The following VCL variants were observed in gnomAD, a reference collection of about 807,000 sequenced individuals.
VCL encodes epididymis luminal protein 114.
A neutral mutation model predicts 125.7 loss-of-function variants in VCL; 47 were observed. That is an observed-to-expected ratio of 0.37 (90% CI 0.30 to 0.48). VCL has a LOEUF of 0.48. Ranked by LOEUF, VCL falls within the 20% of genes least tolerant of loss-of-function variation. The probability of loss-of-function intolerance (pLI) is 0.99; values close to 1 mark genes in which losing one functional copy is unlikely to be tolerated. For synonymous variants in VCL, 458 were observed against 514.6 expected, an observed-to-expected ratio of 0.89 and a Z score of 1.49; for missense variants, 1,069 against 1,455.5, an observed-to-expected ratio of 0.73 and a Z score of 4.32.
chr10:74,070,344 G>A (rs1443814889), intron 2 of VCL, among the ~76,000 whole-genome samples: 1 of 152,154 alleles, frequency 6.6e-6, no homozygotes, highest in Non-Finnish European at 1.5e-5. Flanking sequence ...AAGTCAAAGA[G>A]CCCAGATGTT....
At chr10:74,104,891 G>A in intron 15 of VCL, 160 bp from the exon 16 acceptor site, 1 of 800,856 alleles carries the variant, frequency 1.2e-6, no homozygotes, top group Non-Finnish European at 2.0e-6. Flanking sequence ...TTTAACTGTG[G>A]TGTTTACCTG....
intron 13 of VCL, among the ~76,000 whole-genome samples, chr10:74,099,428 G>A (rs1205266646): frequency 6.8e-6 from 1 of 147,530 alleles, no homozygotes. Flanking sequence ...GAGAGGTTAA[G>A]TGCTTTTTCT....
chr10:74,118,130 T>C lies in VCL; in HGVS notation c.3366T>C (p.Phe1122=). The change falls in exon 22 of 22, where the codon TTT becomes TTC. Residue 1122 remains phenylalanine, a synonymous_variant. Coordinates refer to ENST00000211998, the MANE Select transcript of VCL (RefSeq NM_014000.3). ...ASIKIRTDAG[F]TLRWVRKTPW... Reference sequence around the variant, plus strand: ...TCAAAATTCGAACAGATGCTGGATTTACACTGCGCTGGGTTAGAAAGACTC... The same window carrying C: ...TCAAAATTCGAACAGATGCTGGATTCACACTGCGCTGGGTTAGAAAGACTC... The C allele has an allele frequency of 6.2e-7, 1 of 1,614,166 alleles. No individual in the cohort carries two copies. Among genetic ancestry groups the C allele is most frequent in the Non-Finnish European group, 8.5e-7 (1 of 1,180,032 alleles).
In VCL at chr10:74,096,188, T is replaced by A. The variant is rs530312926; in HGVS notation, c.1743+333T>A. ...TTTAAATGGACTTCTTTTTAAAACT[T>A]AAATTTATTTAAGAGAAAACTCTGT... On this transcript the variant is annotated intron_variant, in intron 12 of 21. Coordinates refer to ENST00000211998, the MANE Select transcript of VCL (RefSeq NM_014000.3). Among the ~76,000 whole-genome samples, 11 of 151,002 alleles carry A rather than the reference T, an allele frequency of 7.3e-5. No individual in the cohort carries two copies. The South Asian group carries it at 2.3e-3, about 32-fold the overall frequency.
intron 8 of VCL, 43 bp downstream of exon 8, chr10:74,083,556 A>C (rs1355339861): frequency 1.2e-6 from 2 of 1,608,936 alleles, no homozygotes; most frequent in South Asian, 1.1e-5. Context: ...TGGGTAACTC[A>C]CTCCTAACAG....
chr10:74,010,948 T>A (rs1293879468), intron 1 of VCL, among the ~76,000 whole-genome samples: 6 of 152,008 alleles, frequency 3.9e-5, no homozygotes, highest in Non-Finnish European at 8.8e-5. Flanking sequence ...GGCAGGTGGA[T>A]CACCTGAGGT....
At chr10:74,034,515 T>C (rs1229299741) in intron 1 of VCL, among the ~76,000 whole-genome samples, 2 of 152,366 alleles carry the variant, frequency 1.3e-5, no homozygotes, top group Non-Finnish European at 2.9e-5. Context: ...AGAAACTTGG[T>C]TGTAACTCTA....
chr10:74,009,916 C>CT (rs943845072), intron 1 of VCL, among the ~76,000 whole-genome samples: 8 of 150,830 alleles, frequency 5.3e-5, no homozygotes, highest in African/African-American at 1.5e-4. Flanking sequence ...CCACCTTTTT[C>CT]TTTTTTTTAT....
intron 1 of VCL, among the ~76,000 whole-genome samples, chr10:74,037,504 A>G (rs1841004230): frequency 1.3e-5 from 2 of 152,222 alleles, no homozygotes; most frequent in African/African-American, 4.8e-5. Flanking sequence ...ACAGAGGATG[A>G]CAATCTTTGA....
chr10:74,064,201 C>G (rs12412566), intron 2 of VCL, among the ~76,000 whole-genome samples: 3,117 of 152,208 alleles, frequency 0.02, 40 homozygotes, highest in South Asian at 0.033. Flanking sequence ...AAGGATACAA[C>G]CCAGGAACAG....
chr10:73,999,234 T>C (rs1840178765), intron 1 of VCL, among the ~76,000 whole-genome samples: 2 of 152,130 alleles, frequency 1.3e-5, no homozygotes, highest in Admixed American at 6.5e-5. Context: ...GATGGAGCTG[T>C]TGGGAGAGGC....
chr10:74,100,652 A>G (rs1840037370), intron 13 of VCL, among the ~76,000 whole-genome samples: 1 of 152,196 alleles, frequency 6.6e-6, no homozygotes, highest in Non-Finnish European at 1.5e-5. Flanking sequence ...ACTGCAGAGT[A>G]TATAATGCTC....
intron 6 of VCL, chr10:74,076,676 C>G (rs1178600666): frequency 1.3e-5 from 2 of 152,570 alleles, no homozygotes; most frequent in Non-Finnish European, 2.9e-5. Context: ...CCTTCAAAAT[C>G]CAAAGGAAAA....
At position 74,089,181 on chromosome 10, in the gene VCL, G is replaced by A. The variant is rs753458587; in HGVS notation, c.1023-15G>A. The A allele has an allele frequency of 2.0e-5, 33 of 1,613,824 alleles. No homozygotes were observed. Among genetic ancestry groups the A allele is most frequent in the Middle Eastern group, 3.3e-4 (2 of 6,084 alleles). On this transcript the variant is annotated splice_polypyrimidine_tract_variant and intron_variant, in intron 8 of 21. Transcript: ENST00000211998. ...TTGAGGGTGTACAATGACAGCATGT[G>A]TCTGTTTTGAGCAGAGGACAAGGAT...
chr10:74,021,709 G>A lies in VCL; in HGVS notation c.169-21374G>A, dbSNP rs1334651934. On this transcript the variant is annotated intron_variant, in intron 1 of 21. Coordinates refer to ENST00000211998, the MANE Select transcript of VCL (RefSeq NM_014000.3). ...AAAAGGCAAATTCCTCAGTTAGTCT[G>A]CTGAAGTTATATACTATAATGATAG... Among the ~76,000 whole-genome samples, 5 of 152,164 alleles carry A rather than the reference G, an allele frequency of 3.3e-5. No individual in the cohort carries two copies. The East Asian group carries it at 9.6e-4, about 29-fold the overall frequency.
intron 13 of VCL, among the ~76,000 whole-genome samples, chr10:74,098,167 A>G (rs1226271831): frequency 1.3e-5 from 2 of 152,018 alleles, no homozygotes; most frequent in African/African-American, 4.8e-5. Context: ...GTGTGTATTT[A>G]TATGTTCTAA....
chr10:74,009,773 C>G (rs892463200), intron 1 of VCL, among the ~76,000 whole-genome samples: 1 of 151,440 alleles, frequency 6.6e-6, no homozygotes, highest in Non-Finnish European at 1.5e-5. Flanking sequence ...CCACACCTGG[C>G]TAATTTTTGT....
At chr10:74,007,527 G>A (rs953708894) in intron 1 of VCL, among the ~76,000 whole-genome samples, 8 of 152,064 alleles carry the variant, frequency 5.3e-5, no homozygotes, top group African/African-American at 1.7e-4. Flanking sequence ...ACGGAGTTTC[G>A]CTCTGTTGCT....
chr10:74,074,826 A>T lies in VCL; in HGVS notation c.706A>T (p.Lys236Ter). 1 of 1,614,218 alleles carries T rather than the reference A, an allele frequency of 6.2e-7. No individual in the cohort carries two copies. Among genetic ancestry groups the T allele is most frequent in the Non-Finnish European group, 8.5e-7 (1 of 1,180,040 alleles). Residue 236 changes from lysine to a stop codon, truncating the protein, a stop_gained, in exon 6 of 22, where the codon AAA becomes TAA. Transcript: ENST00000211998. LOFTEE classifies it high-confidence loss of function. ...ALKNRNFTVE[K>*]MSAEINEIIR... The stretch of plus-strand genomic sequence containing the variant: ...AAAAAATCGCAATTTTACTGTAGAA[A>T]AAATGAGTGCTGAAATTAATGAGAT...
Sources: gnomAD v4.1 joint callset for allele counts (sites outside exome capture counted in the v4.1 genomes callset) on GRCh38, gnomAD v4.1.1 for gene constraint, MANE v1.5 for transcripts, NCBI Gene and HGNC (gene_info 2026-07-23, HGNC 2026-07-21) for gene names.